Variants in ACTA2 observed in about 807,000 individuals in gnomAD.
ACTA2 encodes actin, aortic smooth muscle.
Under a neutral mutation model 39.5 loss-of-function variants are expected in ACTA2, and 12 were observed. The ratio of observed to expected loss-of-function variants is 0.30; its 90% CI spans 0.19 to 0.49. ACTA2 has a LOEUF of 0.49. ACTA2 is among the 20% of genes least tolerant of loss of function. The pLI, the probability that ACTA2 is intolerant of heterozygous loss-of-function variation, is 0.99. For synonymous variants in ACTA2, 158 were observed against 180.6 expected, an observed-to-expected ratio of 0.88 and a Z score of 1.00; for missense variants, 236 against 498.8, an observed-to-expected ratio of 0.47 and a Z score of 5.02.
At position 88,990,816 on chromosome 10, in the gene ACTA2, G is replaced by C; in HGVS notation, c.-24+123C>G. 1 of 1,612,208 alleles carries C rather than the reference G, an allele frequency of 6.2e-7. No individual in the cohort carries two copies. The highest frequency in any genetic ancestry group is 8.5e-7 in the Non-Finnish European group (1 of 1,178,342). On this transcript the variant is annotated intron_variant, in intron 1 of 4. Transcript: ENST00000415557. The surrounding 1 kb of genome is among the most constrained non-coding windows in gnomAD (Gnocchi z 4.9). ...GAGCTGCCTCTTCTCCCGCGGGTTG[G>C]TGGACCCGCTCAGTACGGAGTTGGG...
At chr10:88,942,298 C>A (rs1427978273) in intron 4 of ACTA2, among the ~76,000 whole-genome samples, 1 of 152,010 alleles carries the variant, frequency 6.6e-6, no homozygotes, top group Non-Finnish European at 1.5e-5. Context: ...ATGTCAAAGC[C>A]AGAAGAAAAA....
At chr10:88,943,550 G>A (rs1014419802) in intron 4 of ACTA2, among the ~76,000 whole-genome samples, 10 of 152,146 alleles carry the variant, frequency 6.6e-5, no homozygotes, top group East Asian at 1.9e-4. Context: ...TAACTTAAAC[G>A]TGGCCCCTTC....
At chr10:88,975,961 T>C (rs1026969196) in intron 1 of ACTA2, among the ~76,000 whole-genome samples, 9 of 152,216 alleles carry the variant, frequency 5.9e-5, no homozygotes, top group African/African-American at 1.9e-4. Context: ...ACAAATTAAT[T>C]GTCACCAAAA....
intron 1 of ACTA2, among the ~76,000 whole-genome samples, chr10:88,989,131 A>T (rs930496172): frequency 6.6e-6 from 1 of 152,186 alleles, no homozygotes; most frequent in African/African-American, 2.4e-5. Context: ...TTTGTAAAGT[A>T]AGTTTAATAA....
chr10:88,973,438 C>A, intron 1 of ACTA2: 1 of 1,092,878 alleles, frequency 9.2e-7, no homozygotes, highest in Non-Finnish European at 1.2e-6. Flanking sequence ...ATTATCTCTG[C>A]CTTTCCTTTC....
At chr10:88,951,992 G>A (rs951951231) in intron 1 of ACTA2, among the ~76,000 whole-genome samples, 5 of 152,196 alleles carry the variant, frequency 3.3e-5, no homozygotes, top group Admixed American at 2.0e-4. Flanking sequence ...TGAGGGAGAT[G>A]CAAACCAGAT....
At chr10:88,944,951 C>A (rs1156397774) in intron 3 of ACTA2, among the ~76,000 whole-genome samples, 4 of 152,192 alleles carry the variant, frequency 2.6e-5, no homozygotes, top group African/African-American at 9.7e-5. Context: ...CCAAGATTAG[C>A]TTTAAAGACT....
In ACTA2 at chr10:88,941,770, C is replaced by T. The variant is rs368708487; in HGVS notation, c.454+15G>A. 2.5e-5 allele frequency: 40 copies of T among 1,606,692 alleles called. No homozygotes were observed. Among genetic ancestry groups the T allele is most frequent in the Admixed American group, 3.4e-5 (2 of 59,298 alleles). ...GTGCGCTCCAACCAGCTTGCTGTCC[C>T]GCCCAGCCACCTACCAGTTGTGCGT... On this transcript the variant is annotated intron_variant, in intron 5 of 8. Coordinates refer to ENST00000224784, the MANE Select transcript of ACTA2 (RefSeq NM_001613.4).
rs1446539359 is a variant in ACTA2 at position 88,941,694 on chromosome 10, T to G, written c.454+91A>C. The G allele has an allele frequency of 2.5e-6, 3 of 1,203,194 alleles. No homozygotes were observed. In the East Asian group the frequency reaches 7.6e-5, roughly 30 times the overall value. 74.5% of individuals were successfully genotyped at this position (1,203,194 alleles called of 1,614,324 possible). ...TCAGCCGTGTCCATTCTAACTCAACTCCAGTCCGTCACCCCCACGTGTTAA... is the reference window on the plus strand; with the variant it reads ...TCAGCCGTGTCCATTCTAACTCAACGCCAGTCCGTCACCCCCACGTGTTAA... On this transcript the variant is annotated intron_variant, in intron 5 of 8. Coordinates refer to ENST00000224784, the MANE Select transcript of ACTA2 (RefSeq NM_001613.4).
intron 4 of ACTA2, chr10:88,943,556 C>T: frequency 1.8e-6 from 1 of 555,652 alleles, no homozygotes; most frequent in Admixed American, 2.6e-5. Flanking sequence ...AAACGTGGCC[C>T]CTTCTCAGTG....
chr10:88,989,193 A>G (rs904975997), intron 1 of ACTA2, among the ~76,000 whole-genome samples: 30 of 152,178 alleles, frequency 2.0e-4, no homozygotes, highest in Non-Finnish European at 3.4e-4. Context: ...GAAGATCCAC[A>G]TATGTGAGTT....
At chr10:88,982,986 C>T (rs750557768) in intron 1 of ACTA2, among the ~76,000 whole-genome samples, 7 of 152,150 alleles carry the variant, frequency 4.6e-5, no homozygotes, top group Non-Finnish European at 8.8e-5. Context: ...CTTTCCAGAA[C>T]GTGGCATCAA....
chr10:88,943,337 T>A (rs1005403870), intron 4 of ACTA2, among the ~76,000 whole-genome samples: 1 of 152,190 alleles, frequency 6.6e-6, no homozygotes, highest in Non-Finnish European at 1.5e-5. Context: ...TTCACATCAA[T>A]CCTTGGAAAA....
At chr10:88,956,943 A>G (rs978507838), upstream of ACTA2, among the ~76,000 whole-genome samples, 3 of 152,200 alleles carry the variant, frequency 2.0e-5, no homozygotes, top group Non-Finnish European at 4.4e-5. Context: ...CACAAGTCCT[A>G]TTTATAGTGG....
At chr10:88,989,688 G>A (rs1403859695) in intron 1 of ACTA2, 1 of 426,358 alleles carries the variant, frequency 2.3e-6, no homozygotes, top group Non-Finnish European at 4.6e-6. Context: ...TGTCAACTGA[G>A]AGGAAGCCTG....
intron 1 of ACTA2, among the ~76,000 whole-genome samples, chr10:88,975,642 AT>A (rs564584574): frequency 0.017 from 2,477 of 148,792 alleles, 69 homozygotes; most frequent in African/African-American, 0.056. Flanking sequence ...TGAGAGTAGG[AT>A]TTTTTTTTTT....
intron 4 of ACTA2, among the ~76,000 whole-genome samples, chr10:88,943,436 T>C (rs966468680): frequency 6.6e-6 from 1 of 152,180 alleles, no homozygotes; most frequent in Non-Finnish European, 1.5e-5. Flanking sequence ...ACATAACTGA[T>C]AAGTGGCAGA....
intron 1 of ACTA2, among the ~76,000 whole-genome samples, chr10:88,962,469 A>C (rs1846240889): frequency 6.6e-6 from 1 of 152,148 alleles, no homozygotes; most frequent in Non-Finnish European, 1.5e-5. Context: ...CTCAGTTAGG[A>C]TATTTCAGAC....
chr10:88,940,276 G>C (rs906838434), intron 6 of ACTA2: 1 of 164,632 alleles, frequency 6.1e-6, no homozygotes, highest in East Asian at 1.7e-4. Context: ...CATACTGAAC[G>C]AGATACGGAA....
Sources: allele counts gnomAD v4.1 joint callset (sites outside exome capture counted in the v4.1 genomes callset), GRCh38; gene constraint gnomAD v4.1.1; non-coding constraint Gnocchi (gnomAD v3.1); transcripts MANE v1.5; gene names NCBI Gene and HGNC (gene_info 2026-07-23, HGNC 2026-07-21).